Variants in SPINDOC observed in about 807,000 individuals in gnomAD.
SPINDOC encodes the protein spindlin interactor and repressor of chromatin binding, also known as spindlin interactor and repressor of chromatin-binding protein.
SPINDOC carries 13 observed loss-of-function variants against 30.7 expected under a neutral mutation model. That is an observed-to-expected ratio of 0.42 (90% CI 0.28 to 0.67). The LOEUF (loss-of-function observed/expected upper bound fraction) is 0.67. SPINDOC is among the 30% of genes least tolerant of loss of function. The pLI is 0.22. For missense variants in SPINDOC, 438 were observed against 518.0 expected (o/e 0.85, Z 1.50); for synonymous variants, 228 against 211.4 (o/e 1.08, Z -0.68).
At chr11:63,822,634 C>T (rs1278791494) in intron 5 of SPINDOC, 2 of 1,289,100 alleles carry the variant, frequency 1.6e-6, no homozygotes, top group Admixed American at 2.3e-5. Context: ...TCTCAAGTTT[C>T]AGCTTGAGTC....
rs1270864445 is a variant in SPINDOC at position 63,818,588 on chromosome 11, A to T, written c.669A>T (p.Pro223=). 1 of 1,613,612 alleles carries T rather than the reference A, an allele frequency of 6.2e-7. No individual in the cohort carries two copies. Among genetic ancestry groups the T allele is most frequent in the African/African-American group, 1.3e-5 (1 of 74,912 alleles). ...KPRGQRWKEP[P]GEEPVRKKRG... ...GTGGTCAGAGATGGAAGGAACCCCC[A>T]GGGGAAGAGCCAGTCAGAAAGAAAA... is the stretch of plus-strand genomic sequence containing the variant. Residue 223 remains proline, a synonymous_variant, in exon 4 of 6, where the codon CCA becomes CCT. Transcript: ENST00000294244. The surrounding 1 kb of genome is among the most constrained non-coding windows in gnomAD (Gnocchi z 5.3).
intron 5 of SPINDOC, chr11:63,823,205 C>T (rs1221105849): frequency 1.6e-6 from 2 of 1,289,112 alleles, no homozygotes; most frequent in Non-Finnish European, 2.0e-6. Flanking sequence ...GGAGCAGAGG[C>T]TCTGGACCTG....
At chr11:63,825,250 C>A (rs1475397479) in intron 5 of SPINDOC, among the ~76,000 whole-genome samples, 1 of 152,178 alleles carries the variant, frequency 6.6e-6, no homozygotes, top group Non-Finnish European at 1.5e-5. Context: ...TGACCTCTCC[C>A]CCCACATCCC....
intron 5 of SPINDOC, among the ~76,000 whole-genome samples, chr11:63,819,705 C>G (rs909746622): frequency 1.3e-5 from 2 of 152,208 alleles, no homozygotes. Flanking sequence ...CCATGTTGGC[C>G]AGGCTGGTCT....
chr11:63,814,595 A>G (rs1488853914), intron 1 of SPINDOC, among the ~76,000 whole-genome samples: 2 of 152,166 alleles, frequency 1.3e-5, no homozygotes, highest in Non-Finnish European at 2.9e-5. Flanking sequence ...TGAAAATGCA[A>G]ATATATTTCC....
intron 5 of SPINDOC, chr11:63,823,132 CAGGTATAT>C (rs1186238993): frequency 7.8e-7 from 1 of 1,288,498 alleles, no homozygotes; most frequent in Non-Finnish European, 1.0e-6. Context: ...ATTCTGTGTC[CAGGTATAT>C]AGGCTGGAGG....
At position 63,827,330 on chromosome 11, in the gene SPINDOC, G is replaced by C; in HGVS notation, c.*191G>C. 1 of 1,055,790 alleles carries C rather than the reference G, an allele frequency of 9.5e-7. No homozygotes were observed. Among genetic ancestry groups the C allele is most frequent in the South Asian group, 1.6e-5 (1 of 62,734 alleles). 65.4% of individuals were successfully genotyped at this position (1,055,790 alleles called of 1,614,324 possible). A position where few individuals can be genotyped will look rare whatever the true frequency, so the allele number is the denominator to read the frequency against. ...TCTGTTCCTGGCCAGGCCTGAGGTC[G>C]GCGAGGGTGGCTGAGGCTGTTGTGC... On this transcript the variant is annotated 3_prime_UTR_variant, in exon 6 of 6. Coordinates refer to ENST00000294244, the MANE Select transcript of SPINDOC (RefSeq NM_138471.3).
At chr11:63,815,183 C>T (rs1287746569) in intron 1 of SPINDOC, among the ~76,000 whole-genome samples, 1 of 152,150 alleles carries the variant, frequency 6.6e-6, no homozygotes, top group African/African-American at 2.4e-5. Flanking sequence ...TCGAGTGGTT[C>T]AGAAAGGGTT....
chr11:63,825,090 C>T (rs2015622014), intron 5 of SPINDOC, among the ~76,000 whole-genome samples: 1 of 152,244 alleles, frequency 6.6e-6, no homozygotes. Flanking sequence ...CCGCTATGCT[C>T]TGCTCTCCTG....
rs761075390 is a variant in SPINDOC, at chr11:63,818,347, C to T, written c.589C>T (p.Arg197Cys). 1.2e-6 allele frequency: 2 copies of T among 1,613,882 alleles called. No homozygotes were observed. Among genetic ancestry groups the T allele is most frequent in the Non-Finnish European group, 1.7e-6 (2 of 1,179,964 alleles). ...LPKRSRPRGL[R>C]PLELPAVPAT... ...TAAAAGGAGCCGGCCCAGGGGACTC[C>T]GCCCCCTCGAGCTTCCTGGTTAGTC... The change falls in exon 3 of 6, where the codon CGC becomes TGC. Residue 197 changes from arginine (R) to cysteine (C), a missense_variant. By Grantham distance (180) the Arg-to-Cys change is radical (BLOSUM62 -3). Around this residue, in one of 3 missense-constraint regions of SPINDOC, gnomAD observed 300 missense variants for 332.8 expected, o/e 0.90. Transcript: ENST00000294244. This position sits in a 1 kb window ranked among gnomAD's most constrained non-coding sequence, Gnocchi z 5.3.
rs59498475 is a variant in SPINDOC at position 63,824,304 on chromosome 11, C to T, written c.935-2624C>T. ...TCCCTTGGCTTTTCAGGCAGCTGCT[C>T]GCCTGGTGTTCCTCTTCCCTCACTA... is the stretch of plus-strand genomic sequence containing the variant. On this transcript the variant is annotated intron_variant, in intron 5 of 5. Coordinates refer to ENST00000294244, the MANE Select transcript of SPINDOC (RefSeq NM_138471.3). 7.7e-3 allele frequency among the ~76,000 whole-genome samples: 1,165 copies of T among 152,266 alleles called. 13 individuals carry two copies. The highest frequency in any genetic ancestry group is 0.027 in the African/African-American group (1,119 of 41,528).
At chr11:63,817,774 G>A in intron 1 of SPINDOC, 31 bp from the exon 2 acceptor site, 2 of 1,514,284 alleles carry the variant, frequency 1.3e-6, no homozygotes, top group African/African-American at 1.4e-5. Context: ...GGCACCTTTA[G>A]TGATAACACC....
chr11:63,818,489 G>A lies in SPINDOC; in HGVS notation c.608-38G>A, dbSNP rs761355476. ...CCTGGGGTGGCAGGGTTCGGGGATG[G>A]CCTCTTTAAAAGGGTATGAGGTCTT... is the stretch of plus-strand genomic sequence containing the variant. On this transcript the variant is annotated intron_variant, in intron 3 of 5. Coordinates refer to ENST00000294244, the MANE Select transcript of SPINDOC (RefSeq NM_138471.3). The surrounding 1 kb of genome is among the most constrained non-coding windows in gnomAD (Gnocchi z 5.3). 3.1e-6 allele frequency: 5 copies of A among 1,606,720 alleles called. No homozygotes were observed. Among genetic ancestry groups the A allele is most frequent in the Admixed American group, 3.4e-5 (2 of 58,982 alleles).
intron 5 of SPINDOC, chr11:63,822,832 T>TC: frequency 1.6e-6 from 2 of 1,289,164 alleles, no homozygotes; most frequent in South Asian, 1.2e-5. Context: ...GTGCGCAAAC[T>TC]CCATCTATCT....
At position 63,826,997 on chromosome 11, in the gene SPINDOC, C is replaced by T. The variant is rs1022981830; in HGVS notation, c.1004C>T (p.Ala335Val). The change falls in exon 6 of 6, where the codon GCG (alanine) becomes GTG (valine). Residue 335 changes from alanine (A) to valine (V), a missense_variant. Ala to Val is a moderately conservative substitution (Grantham distance 64, BLOSUM62 0). This residue lies in a region of SPINDOC where 300 missense variants were observed against 332.8 expected (regional missense o/e 0.90). Coordinates refer to ENST00000294244, the MANE Select transcript of SPINDOC (RefSeq NM_138471.3). ...VIRVRMEEPP[A>V]VSLLQDWSRH... ...CGCGTGCGGATGGAGGAGCCCCCAGCGGTCAGCCTCCTGCAAGACTGGTCC... is the reference window on the plus strand; with the variant it reads ...CGCGTGCGGATGGAGGAGCCCCCAGTGGTCAGCCTCCTGCAAGACTGGTCC... The T allele has an allele frequency of 3.1e-6, 5 of 1,613,874 alleles. No individual in the cohort carries two copies. Among genetic ancestry groups the T allele is most frequent in the Non-Finnish European group, 3.4e-6 (4 of 1,179,806 alleles).
chr11:63,813,931 C>T lies in SPINDOC; in HGVS notation c.127+118C>T, dbSNP rs989228648. The T allele has an allele frequency of 2.3e-5, 30 of 1,288,204 alleles. No individual in the cohort carries two copies. The African/African-American group carries it at 4.3e-4, about 19-fold the overall frequency. The allele number at this position is 1,288,204 out of a possible 1,614,324, so 79.8% of individuals were successfully genotyped here. A position where few individuals can be genotyped will look rare whatever the true frequency, so the allele number is the denominator to read the frequency against. ...TCTCACCCCCTTCAGCCTTGGGGCCCAGGTTTCCCTCTCGGATCTGGGTCC... is the reference window on the plus strand; with the variant it reads ...TCTCACCCCCTTCAGCCTTGGGGCCTAGGTTTCCCTCTCGGATCTGGGTCC... On this transcript the variant is annotated intron_variant, in intron 1 of 5. Coordinates refer to ENST00000294244, the MANE Select transcript of SPINDOC (RefSeq NM_138471.3).
At position 63,827,223 on chromosome 11, in the gene SPINDOC, C is replaced by G. The variant is rs982516183; in HGVS notation, c.*84C>G. 1.8e-5 allele frequency: 28 copies of G among 1,548,760 alleles called. No individual in the cohort carries two copies. Among genetic ancestry groups the G allele is most frequent in the Non-Finnish European group, 2.2e-5 (25 of 1,147,914 alleles). On this transcript the variant is annotated 3_prime_UTR_variant, in exon 6 of 6. Transcript: ENST00000294244. ...ACTCAGAGCTGCCTGGCTCACCCAC[C>G]TGGTGGAGAGAGTAGAAACAGGTGC...
In SPINDOC at chr11:63,814,737, AG is replaced by A. The variant is rs144491491; in HGVS notation, c.127+927del. ...GCCTGTCATCCTTTTTGGAACTGGAAGGGTTATAAAATTCATGAGGGAAATA... is the reference window on the plus strand; with the variant it reads ...GCCTGTCATCCTTTTTGGAACTGGAAGGTTATAAAATTCATGAGGGAAATA... On this transcript the variant is annotated intron_variant, in intron 1 of 5. Coordinates refer to ENST00000294244, the MANE Select transcript of SPINDOC (RefSeq NM_138471.3). 5.7e-3 allele frequency among the ~76,000 whole-genome samples: 861 copies of A among 152,314 alleles called. 5 individuals carry two copies. The highest frequency in any genetic ancestry group is 0.019 in the African/African-American group (810 of 41,566).
intron 5 of SPINDOC, among the ~76,000 whole-genome samples, chr11:63,826,468 C>T (rs72932302): frequency 5.9e-5 from 9 of 152,264 alleles, no homozygotes; most frequent in Non-Finnish European, 1.2e-4. Context: ...CTGTCCCCCA[C>T]GTAGTCCCTC....
Sources: allele counts gnomAD v4.1 joint callset (sites outside exome capture counted in the v4.1 genomes callset), GRCh38; gene constraint gnomAD v4.1.1; regional missense constraint gnomAD v4.1.1; non-coding constraint Gnocchi (gnomAD v3.1); transcripts MANE v1.5; gene names NCBI Gene and HGNC (gene_info 2026-07-23, HGNC 2026-07-21).